Variants in DAB1 observed in about 807,000 individuals in gnomAD.
The protein encoded by DAB1 is disabled homolog 1.
A neutral mutation model predicts 64.6 loss-of-function variants in DAB1; 15 were observed. That is an observed-to-expected ratio of 0.23 (90% CI 0.16 to 0.36). The LOEUF (loss-of-function observed/expected upper bound fraction) is 0.36. DAB1 is among the 10% of genes least tolerant of loss of function. The pLI, the probability that DAB1 is intolerant of heterozygous loss-of-function variation, is 1.00. For synonymous variants in DAB1, 235 were observed against 251.9 expected (o/e 0.93, Z 0.64); for missense variants, 596 against 706.7 (o/e 0.84, Z 1.78).
rs924018062 is a variant in DAB1, at chr1:57,813,402, G to A, written n.551+70597C>T. On this transcript the variant is annotated intron_variant and non_coding_transcript_variant, in intron 6 of 20. Coordinates refer to the DAB1 transcript ENST00000485760. ...CATATTTTCAAATATCTCAAACATC[G>A]AGATCCTTTTGTGTGGTAAACACTG... 2.0e-5 allele frequency among the ~76,000 whole-genome samples: 3 copies of A among 152,094 alleles called. No individual in the cohort carries two copies. In the East Asian group the frequency reaches 5.8e-4, roughly 29 times the overall value.
intron 7 of DAB1, among the ~76,000 whole-genome samples, chr1:57,558,765 G>A (rs926745057): frequency 8.5e-5 from 13 of 152,192 alleles, no homozygotes; most frequent in Non-Finnish European, 7.3e-5. Flanking sequence ...GGCCCATTGT[G>A]AGTGAGATGG....
At chr1:58,194,764 G>T (rs1657578771) in intron 4 of DAB1, among the ~76,000 whole-genome samples, 1 of 152,132 alleles carries the variant, frequency 6.6e-6, no homozygotes, top group Admixed American at 6.5e-5. Flanking sequence ...AACGTTCCAT[G>T]GTGTCATTCT....
At chr1:57,602,753 C>T (rs578222133) in intron 7 of DAB1, among the ~76,000 whole-genome samples, 8 of 152,072 alleles carry the variant, frequency 5.3e-5, no homozygotes, top group Non-Finnish European at 1.2e-4. Context: ...CCCATCAGTG[C>T]TATAGAGCAT....
At chr1:57,686,131 G>T (rs571423449) in intron 6 of DAB1, among the ~76,000 whole-genome samples, 1 of 152,094 alleles carries the variant, frequency 6.6e-6, no homozygotes, top group African/African-American at 2.4e-5. Flanking sequence ...GTTTTTCAAA[G>T]AATAAACAAG....
chr1:57,080,137 C>T (rs779892668), intron 4 of DAB1, among the ~76,000 whole-genome samples: 68 of 152,180 alleles, frequency 4.5e-4, no homozygotes, highest in Non-Finnish European at 1.5e-4. Flanking sequence ...TAAGCACATT[C>T]ACATTGTTCT....
chr1:57,259,797 G>T (rs1052801688), intron 2 of DAB1, among the ~76,000 whole-genome samples: 1 of 152,140 alleles, frequency 6.6e-6, no homozygotes, highest in African/African-American at 2.4e-5. Context: ...CCTGACATGG[G>T]TACTGAATGA....
At chr1:57,914,924 C>A (rs919408621) in intron 5 of DAB1, among the ~76,000 whole-genome samples, 4 of 152,144 alleles carry the variant, frequency 2.6e-5, no homozygotes, top group African/African-American at 9.7e-5. Context: ...AGCACCCTAA[C>A]TCTTAGGAAT....
In DAB1 at chr1:57,471,092, C is replaced by T. The variant is rs1309508585; in HGVS notation, n.625+178500G>A. Among the ~76,000 whole-genome samples, 4 of 152,328 alleles carry T rather than the reference C, an allele frequency of 2.6e-5. No homozygotes were observed. In the South Asian group the frequency reaches 8.3e-4, roughly 32 times the overall value. Reference sequence around the variant, plus strand: ...GGCAAACACTCATTTAATCACCATACTGGAGTCGAATCAAGGAAGCAGATC... The same window carrying T: ...GGCAAACACTCATTTAATCACCATATTGGAGTCGAATCAAGGAAGCAGATC... On this transcript the variant is annotated intron_variant and non_coding_transcript_variant, in intron 7 of 20. Coordinates refer to the DAB1 transcript ENST00000485760.
At chr1:58,352,102 T>C (rs1421760476) in intron 3 of DAB1, among the ~76,000 whole-genome samples, 2 of 151,904 alleles carry the variant, frequency 1.3e-5, no homozygotes, top group African/African-American at 2.4e-5. Context: ...CAGGGCATCC[T>C]GTTATCTCAG....
intron 1 of DAB1, among the ~76,000 whole-genome samples, chr1:58,536,060 G>A (rs1646511561): frequency 6.6e-6 from 1 of 152,048 alleles, no homozygotes; most frequent in Non-Finnish European, 1.5e-5. Context: ...AAATAATTAT[G>A]CAAATAATTA....
intron 5 of DAB1, among the ~76,000 whole-genome samples, chr1:58,030,983 A>G (rs1646962029): frequency 6.6e-6 from 1 of 152,210 alleles, no homozygotes. Context: ...CCTAAGCAGG[A>G]AGAACTTCTC....
intron 1 of DAB1, among the ~76,000 whole-genome samples, chr1:57,330,016 GT>G (rs1167373103): frequency 1.3e-5 from 2 of 152,168 alleles, no homozygotes; most frequent in African/African-American, 4.8e-5. Context: ...TGTTTTTAAT[GT>G]TTTATGCTTT....
intron 7 of DAB1, among the ~76,000 whole-genome samples, chr1:57,635,491 T>C (rs1362383631): frequency 6.6e-6 from 1 of 152,102 alleles, no homozygotes; most frequent in Non-Finnish European, 1.5e-5. Context: ...GAATTGAGCA[T>C]GCCAGGGATC....
chr1:57,061,231 G>GT (rs1553135629), intron 9 of DAB1, among the ~76,000 whole-genome samples: 1 of 90,556 alleles, frequency 1.1e-5, no homozygotes, highest in African/African-American at 4.0e-5. Flanking sequence ...ATTTAGATGG[G>GT]GGGGGGGGGT....
intron 5 of DAB1, among the ~76,000 whole-genome samples, chr1:58,033,352 T>C (rs937967545): frequency 2.0e-5 from 3 of 152,168 alleles, no homozygotes; most frequent in Non-Finnish European, 2.9e-5. Context: ...ATCCCACTTA[T>C]CTGATACCAG....
chr1:58,521,987 G>C (rs1342767838), intron 2 of DAB1, among the ~76,000 whole-genome samples: 1 of 152,100 alleles, frequency 6.6e-6, no homozygotes. Flanking sequence ...TATCTCCTTT[G>C]AACATAGGAT....
At chr1:57,560,292 C>T (rs959261455) in intron 7 of DAB1, among the ~76,000 whole-genome samples, 1 of 152,192 alleles carries the variant, frequency 6.6e-6, no homozygotes, top group African/African-American at 2.4e-5. Flanking sequence ...CACACTGGTC[C>T]ATTACATTGA....
rs567788457 is a variant in DAB1, at chr1:57,801,121, C to T, written n.551+82878G>A. Among the ~76,000 whole-genome samples the T allele has an allele frequency of 2.0e-4, 30 of 152,294 alleles. No homozygotes were observed. The East Asian group carries it at 4.8e-3, about 25-fold the overall frequency. On this transcript the variant is annotated intron_variant and non_coding_transcript_variant, in intron 6 of 20. Transcript: ENST00000485760. ...CATTTCTCTTCACCCTCTACTCATT[C>T]TTATTTGTGTCTGAATATGCTGTCA...
At chr1:58,236,114 A>G (rs910949003) in intron 4 of DAB1, among the ~76,000 whole-genome samples, 1 of 25,638 alleles carries the variant, frequency 3.9e-5, no homozygotes, top group African/African-American at 1.5e-4. Flanking sequence ...CCCCCGCCCC[A>G]CCCCGCCCCG....
Sources: allele counts gnomAD v4.1 joint callset (sites outside exome capture counted in the v4.1 genomes callset), GRCh38; gene constraint gnomAD v4.1.1; transcripts MANE v1.5; gene names NCBI Gene and HGNC (gene_info 2026-07-23, HGNC 2026-07-21).